Variants in SLC22A15 observed in about 807,000 individuals in gnomAD.
SLC22A15 encodes the protein solute carrier family 22 member 15, also known as flipt 1.
SLC22A15 carries 45 observed loss-of-function variants against 62.7 expected under a neutral mutation model. The observed-to-expected ratio is 0.72, with a 90% confidence interval of 0.56 to 0.92. SLC22A15 has a LOEUF of 0.92. SLC22A15 is among the 40% of genes least tolerant of loss of function. SLC22A15 has a pLI of 0.00. For missense variants in SLC22A15, 622 were observed against 665.6 expected (o/e 0.93, Z 0.72); for synonymous variants, 264 against 267.0 (o/e 0.99, Z 0.11).
chr1:116,066,487 G>C (rs781253223), intron 10 of SLC22A15, 33 bp from the exon 11 acceptor site: 3 of 1,494,804 alleles, frequency 2.0e-6, no homozygotes, highest in South Asian at 2.6e-5. Context: ...CTAATTCTCT[G>C]GTTTATTTTC....
intron 8 of SLC22A15, among the ~76,000 whole-genome samples, chr1:116,042,939 G>A (rs1657829722): frequency 6.6e-6 from 1 of 152,102 alleles, no homozygotes. Flanking sequence ...GTTTCAATAA[G>A]TTTAGAAGAA....
At chr1:116,030,957 C>T (rs1324260554) in intron 5 of SLC22A15, among the ~76,000 whole-genome samples, 1 of 151,906 alleles carries the variant, frequency 6.6e-6, no homozygotes, top group Non-Finnish European at 1.5e-5. Context: ...AACCCATTGT[C>T]TCTACAGTAT....
intron 8 of SLC22A15, among the ~76,000 whole-genome samples, chr1:116,061,073 C>A (rs1658367677): frequency 6.6e-6 from 1 of 152,332 alleles, no homozygotes; most frequent in African/African-American, 2.4e-5. Context: ...ATTAATCCCT[C>A]TTGTAGTCCT....
chr1:116,053,450 G>A (rs1031783370), intron 8 of SLC22A15, among the ~76,000 whole-genome samples: 10 of 152,168 alleles, frequency 6.6e-5, no homozygotes, highest in Non-Finnish European at 1.5e-4. Flanking sequence ...AAAGTGACGG[G>A]GAGAATGGAA....
At chr1:116,012,924 T>G (rs2101233705) in intron 2 of SLC22A15, among the ~76,000 whole-genome samples, 1 of 152,342 alleles carries the variant, frequency 6.6e-6, no homozygotes, top group Non-Finnish European at 1.5e-5. Context: ...GTCAGCCATG[T>G]GACCTTGAGG....
intron 2 of SLC22A15, chr1:116,017,387 AAAG>A (rs1016847115): frequency 9.9e-5 from 15 of 151,138 alleles, no homozygotes; most frequent in African/African-American, 3.6e-4. Flanking sequence ...AAAAAAAAGA[AAAG>A]AAAAAAAAGG....
At chr1:116,007,841 C>T (rs185932500) in intron 2 of SLC22A15, among the ~76,000 whole-genome samples, 1 of 151,908 alleles carries the variant, frequency 6.6e-6, no homozygotes, top group African/African-American at 2.4e-5. Flanking sequence ...TTTTAAAAAA[C>T]AAAAAAGAAT....
chr1:116,021,478 C>T (rs1656834666), intron 4 of SLC22A15, among the ~76,000 whole-genome samples: 1 of 152,090 alleles, frequency 6.6e-6, no homozygotes, highest in African/African-American at 2.4e-5. Flanking sequence ...AGAGAAGTAA[C>T]TGTGTCTAAG....
In SLC22A15 at chr1:115,997,514, C is replaced by G. The variant is rs60341931; in HGVS notation, c.300+5271C>G. On this transcript the variant is annotated intron_variant, in intron 2 of 11. Coordinates refer to ENST00000369503, the MANE Select transcript of SLC22A15 (RefSeq NM_018420.3). ...TATAGCTTTCACTTTGGAGATCTTTCACTTCTTTAGCGAGGTTTATTTTTT... is the reference window on the plus strand; with the variant it reads ...TATAGCTTTCACTTTGGAGATCTTTGACTTCTTTAGCGAGGTTTATTTTTT... Among the ~76,000 whole-genome samples, 73 of 152,110 alleles carry G rather than the reference C, an allele frequency of 4.8e-4. 2 individuals carry two copies. In the East Asian group the frequency reaches 0.014, roughly 29 times the overall value.
At chr1:116,049,557 G>T (rs984355261) in intron 8 of SLC22A15, among the ~76,000 whole-genome samples, 6 of 151,986 alleles carry the variant, frequency 3.9e-5, no homozygotes, top group African/African-American at 1.4e-4. Flanking sequence ...CTGAATGACA[G>T]TAATGGCACA....
intron 2 of SLC22A15, among the ~76,000 whole-genome samples, chr1:116,011,473 T>C (rs1656253004): frequency 6.6e-6 from 1 of 152,194 alleles, no homozygotes; most frequent in Non-Finnish European, 1.5e-5. Flanking sequence ...CTTGAAGTCA[T>C]GACCTGGAGA....
chr1:115,987,056 A>G (rs982722000), intron 1 of SLC22A15, among the ~76,000 whole-genome samples: 2 of 152,178 alleles, frequency 1.3e-5, no homozygotes, highest in Non-Finnish European at 2.9e-5. Flanking sequence ...CATGTGGTGG[A>G]GGATCTGGAA....
chr1:116,035,803 TC>T (rs1657613112), intron 7 of SLC22A15, among the ~76,000 whole-genome samples: 1 of 152,190 alleles, frequency 6.6e-6, no homozygotes, highest in Non-Finnish European at 1.5e-5. Context: ...GATAAAACCT[TC>T]TTTTGCTACT....
chr1:116,035,241 T>G lies in SLC22A15; in HGVS notation c.999T>G (p.Gly333=). ...YGLTLSAGDL[G]GSIYANLALS... is the part of the protein sequence containing the mutation. ...TAACTCTGAGTGCGGGTGATCTAGG[T>G]GGAAGTATTTATGCCAACCTGGCCC... Residue 333 remains glycine, a synonymous_variant, in exon 7 of 12, where the codon GGT becomes GGG. Coordinates refer to ENST00000369503, the MANE Select transcript of SLC22A15 (RefSeq NM_018420.3). 6.2e-7 allele frequency: 1 copy of G among 1,613,460 alleles called. No homozygotes were observed. The highest frequency in any genetic ancestry group is 8.5e-7 in the Non-Finnish European group (1 of 1,179,598).
At chr1:116,003,696 G>A (rs1025906989) in intron 2 of SLC22A15, among the ~76,000 whole-genome samples, 6 of 152,160 alleles carry the variant, frequency 3.9e-5, no homozygotes, top group African/African-American at 1.2e-4. Flanking sequence ...TATTTCTGTG[G>A]GTTGGGGGAA....
intron 6 of SLC22A15, 80 bp from the exon 7 acceptor site, chr1:116,035,107 T>C: frequency 7.0e-7 from 1 of 1,427,210 alleles, no homozygotes; most frequent in Non-Finnish European, 9.5e-7. Context: ...AATATTTGAA[T>C]CTCCTCTGGC....
In SLC22A15 at chr1:116,018,428, G is replaced by A. The variant is rs557858717; in HGVS notation, c.301-1154G>A. ...CTCCCAGGCTGGAGTGCAGTGGCGC[G>A]ATCTCAGCTCAGTGCAAGCTCCGCC... is the stretch of plus-strand genomic sequence containing the variant. On this transcript the variant is annotated intron_variant, in intron 2 of 11. Coordinates refer to ENST00000369503, the MANE Select transcript of SLC22A15 (RefSeq NM_018420.3). 2.9e-3 allele frequency among the ~76,000 whole-genome samples: 439 copies of A among 152,074 alleles called. 3 individuals are homozygous for A. Among genetic ancestry groups the A allele is most frequent in the Admixed American group, 4.8e-3 (74 of 15,268 alleles).
intron 2 of SLC22A15, among the ~76,000 whole-genome samples, chr1:116,003,405 C>T (rs1242564662): frequency 6.6e-6 from 1 of 152,184 alleles, no homozygotes; most frequent in African/African-American, 2.4e-5. Context: ...AGGACTTGCC[C>T]AGTAATTGCA....
intron 2 of SLC22A15, among the ~76,000 whole-genome samples, chr1:115,997,856 C>T (rs1349977644): frequency 1.3e-5 from 2 of 152,030 alleles, no homozygotes; most frequent in African/African-American, 4.8e-5. Flanking sequence ...AAATAGACAT[C>T]CTTGTCTTGT....
Sources: allele counts gnomAD v4.1 joint callset (sites outside exome capture counted in the v4.1 genomes callset), GRCh38; gene constraint gnomAD v4.1.1; transcripts MANE v1.5; gene names NCBI Gene and HGNC (gene_info 2026-07-23, HGNC 2026-07-21).